Variants in SLC24A3 observed in about 807,000 individuals in gnomAD.
SLC24A3 encodes the protein sodium/potassium/calcium exchanger 3.
In SLC24A3, 28 loss-of-function variants were observed where a neutral mutation model predicts 75.8. The observed-to-expected ratio is 0.37, with a 90% confidence interval of 0.27 to 0.51. The LOEUF (loss-of-function observed/expected upper bound fraction) is 0.51. Among genes scored for constraint, SLC24A3 ranks in the 20% least tolerant of loss-of-function variants. The pLI, the probability that SLC24A3 is intolerant of heterozygous loss-of-function variation, is 0.94. For missense variants in SLC24A3, 663 were observed against 847.8 expected (o/e 0.78, Z 2.71); for synonymous variants, 372 against 334.1 (o/e 1.11, Z -1.24).
At chr20:19,389,944 T>C (rs1986337979) in intron 2 of SLC24A3, among the ~76,000 whole-genome samples, 1 of 152,224 alleles carries the variant, frequency 6.6e-6, no homozygotes. Context: ...TTGTTCTGAC[T>C]GGGTAATCTC....
At chr20:19,690,113 T>A (rs534278505) in intron 12 of SLC24A3, among the ~76,000 whole-genome samples, 1 of 150,134 alleles carries the variant, frequency 6.7e-6, no homozygotes, top group East Asian at 2.0e-4. Flanking sequence ...TTCCTCAAAA[T>A]CATTTTTAAA....
chr20:19,269,323 C>T (rs895382560), intron 1 of SLC24A3, among the ~76,000 whole-genome samples: 1 of 152,146 alleles, frequency 6.6e-6, no homozygotes, highest in African/African-American at 2.4e-5. Flanking sequence ...GGAAATTATC[C>T]TGGGGAGTGT....
At chr20:19,466,273 C>T (rs1047145267) in intron 2 of SLC24A3, among the ~76,000 whole-genome samples, 11 of 152,074 alleles carry the variant, frequency 7.2e-5, no homozygotes, top group Admixed American at 1.3e-4. Context: ...TTAGCCACAC[C>T]GTCTGATTGC....
intron 3 of SLC24A3, among the ~76,000 whole-genome samples, chr20:19,573,175 G>A (rs996730325): frequency 2.2e-4 from 34 of 152,316 alleles, no homozygotes; most frequent in African/African-American, 7.7e-4. Context: ...ACATAAAACA[G>A]CAGGGTTAAC....
intron 7 of SLC24A3, among the ~76,000 whole-genome samples, chr20:19,663,200 T>C (rs2032350273): frequency 6.6e-6 from 1 of 151,896 alleles, no homozygotes; most frequent in Non-Finnish European, 1.5e-5. Context: ...CCCAAGGTGC[T>C]AGGATTGCAG....
At chr20:19,321,724 C>T (rs572433642) in intron 2 of SLC24A3, among the ~76,000 whole-genome samples, 3 of 152,276 alleles carry the variant, frequency 2.0e-5, no homozygotes, top group Admixed American at 1.3e-4. Context: ...CCTTCCAAGA[C>T]GTTGAATAAA....
At chr20:19,303,591 T>G (rs1196692392) in intron 2 of SLC24A3, among the ~76,000 whole-genome samples, 1 of 152,204 alleles carries the variant, frequency 6.6e-6, no homozygotes, top group African/African-American at 2.4e-5. Context: ...CCATACTACT[T>G]TCCACCAATG....
chr20:19,320,143 C>T (rs1322541497), intron 2 of SLC24A3, among the ~76,000 whole-genome samples: 3 of 152,216 alleles, frequency 2.0e-5, no homozygotes, highest in Admixed American at 6.5e-5. Context: ...GCTGAAGACG[C>T]GCCAATGTCC....
intron 6 of SLC24A3, among the ~76,000 whole-genome samples, chr20:19,645,031 A>G (rs1411286310): frequency 1.3e-5 from 2 of 152,224 alleles, no homozygotes; most frequent in Non-Finnish European, 2.9e-5. Flanking sequence ...GTGCTGGATT[A>G]CAGTCACCGC....
At chr20:19,614,866 C>G (rs2031716295) in intron 6 of SLC24A3, among the ~76,000 whole-genome samples, 1 of 152,218 alleles carries the variant, frequency 6.6e-6, no homozygotes, top group African/African-American at 2.4e-5. Flanking sequence ...GAATGATCCA[C>G]TGGGTTAGCG....
intron 1 of SLC24A3, among the ~76,000 whole-genome samples, chr20:19,267,450 T>G (rs953049846): frequency 6.6e-6 from 1 of 152,238 alleles, no homozygotes; most frequent in Non-Finnish European, 1.5e-5. Flanking sequence ...TTCAGTAGAT[T>G]AATCTTGCAA....
intron 6 of SLC24A3, among the ~76,000 whole-genome samples, chr20:19,601,141 T>G (rs1466146768): frequency 1.3e-5 from 2 of 152,244 alleles, no homozygotes; most frequent in African/African-American, 4.8e-5. Context: ...TGTTGATATA[T>G]GTTTATATAT....
intron 12 of SLC24A3, among the ~76,000 whole-genome samples, chr20:19,689,735 T>C (rs757629628): frequency 6.6e-6 from 1 of 152,018 alleles, no homozygotes; most frequent in Non-Finnish European, 1.5e-5. Context: ...TATTCAGAAA[T>C]GGAAATTAAG....
rs546742944 is a variant in SLC24A3, at chr20:19,595,214, G to C, written c.612+9670G>C. Among the ~76,000 whole-genome samples, 11 of 152,126 alleles carry C rather than the reference G, an allele frequency of 7.2e-5. 1 individual carries two copies. Among genetic ancestry groups the C allele is most frequent in the Admixed American group, 7.2e-4 (11 of 15,268 alleles). On this transcript the variant is annotated intron_variant, in intron 6 of 16. Transcript: ENST00000328041. ...TGATGTGTCTAAGCAGACACATCAC[G>C]CATTTTTTCTGCTGAGGGAATCACT...
chr20:19,291,126 G>A (rs1983931890), intron 2 of SLC24A3, among the ~76,000 whole-genome samples: 1 of 150,736 alleles, frequency 6.6e-6, no homozygotes, highest in Non-Finnish European at 1.5e-5. Context: ...GGCTGGCCGA[G>A]GTAACAGGGC....
At chr20:19,346,218 ATATG>A (rs1266734925) in intron 2 of SLC24A3, among the ~76,000 whole-genome samples, 1 of 42,106 alleles carries the variant, frequency 2.4e-5, no homozygotes, top group Admixed American at 3.3e-4. Context: ...TATATGGTGT[ATATG>A]TATATATGGT....
chr20:19,619,951 T>G (rs2031782850), intron 6 of SLC24A3, among the ~76,000 whole-genome samples: 1 of 152,186 alleles, frequency 6.6e-6, no homozygotes, highest in Non-Finnish European at 1.5e-5. Flanking sequence ...CCTATGGTTT[T>G]AAGATACTTT....
At chr20:19,290,854 C>T (rs1983924201) in intron 2 of SLC24A3, among the ~76,000 whole-genome samples, 1 of 152,188 alleles carries the variant, frequency 6.6e-6, no homozygotes, top group African/African-American at 2.4e-5. Context: ...TGTCTTCCAG[C>T]AGGGTCTATG....
intron 2 of SLC24A3, among the ~76,000 whole-genome samples, chr20:19,342,920 G>A (rs2024615): frequency 0.51 from 76,522 of 151,098 alleles, 21,303 homozygotes; most frequent in African/African-American, 0.74. Flanking sequence ...ATACAAAATA[G>A]TTAGCTGGGC....
Sources: gnomAD v4.1 joint callset for allele counts (sites outside exome capture counted in the v4.1 genomes callset) on GRCh38, gnomAD v4.1.1 for gene constraint, MANE v1.5 for transcripts, NCBI Gene and HGNC (gene_info 2026-07-23, HGNC 2026-07-21) for gene names.